PRKCE: variants seen among roughly 807,000 people sequenced by gnomAD.
PRKCE encodes protein kinase C epsilon.
PRKCE carries 16 observed loss-of-function variants against 85.4 expected under a neutral mutation model. The observed-to-expected ratio is 0.19, with a 90% CI of 0.13 to 0.28. The LOEUF (loss-of-function observed/expected upper bound fraction) is 0.28, where lower values mean the gene tolerates loss of function less well. Ranked by LOEUF, PRKCE falls within the 10% of genes least tolerant of loss-of-function variation. The pLI is 1.00. For synonymous variants in PRKCE, 388 were observed against 371.5 expected (o/e 1.04, Z -0.51); for missense variants, 573 against 975.2 (o/e 0.59, Z 5.49).
In PRKCE at chr2:46,093,182, C is replaced by G. The variant is rs554215584; in HGVS notation, c.1592+6820C>G. ...GGCCGAGTCTCTAATGGAAGGAAAT[C>G]AGCTACCATGGCAGAAATGATGAGT... On this transcript the variant is annotated intron_variant, in intron 11 of 14. Coordinates refer to ENST00000306156, the MANE Select transcript of PRKCE (RefSeq NM_005400.3). 2.5e-4 allele frequency among the ~76,000 whole-genome samples: 38 copies of G among 152,280 alleles called. No homozygotes were observed. In the South Asian group the frequency reaches 7.9e-3, roughly 32 times the overall value.
chr2:45,972,132 C>CT (rs891677462), intron 2 of PRKCE, among the ~76,000 whole-genome samples: 18 of 151,848 alleles, frequency 1.2e-4, no homozygotes, highest in South Asian at 2.1e-4. Flanking sequence ...ACTTATCATT[C>CT]TTTTTTTTTA....
intron 2 of PRKCE, among the ~76,000 whole-genome samples, chr2:45,860,200 T>G (rs1159515315): frequency 6.6e-6 from 1 of 152,210 alleles, no homozygotes; most frequent in Non-Finnish European, 1.5e-5. Context: ...ACCTGCTCAG[T>G]AAGTATTTGT....
chr2:46,145,156 G>T lies in PRKCE; in HGVS notation c.1656G>T (p.Gly552=). 1 of 1,599,764 alleles carries T rather than the reference G, an allele frequency of 6.3e-7. No individual in the cohort carries two copies. The highest frequency in any genetic ancestry group is 8.5e-7 in the Non-Finnish European group (1 of 1,179,954). Residue 552 remains glycine (G), a synonymous_variant, in exon 12 of 15, where the codon GGG becomes GGT. Coordinates refer to ENST00000306156, the MANE Select transcript of PRKCE (RefSeq NM_005400.3). This position sits in a 1 kb window ranked among gnomAD's most constrained non-coding sequence, Gnocchi z 4.6. ...AEGHCKLADF[G]MCKEGILNGV... ...GTCACTGCAAGCTGGCTGACTTCGG[G>T]ATGTGCAAGGAAGGGATTCTGAATG...
intron 1 of PRKCE, among the ~76,000 whole-genome samples, chr2:45,753,091 G>C (rs1039244182): frequency 2.6e-5 from 4 of 152,128 alleles, no homozygotes; most frequent in Admixed American, 2.6e-4. Flanking sequence ...TATCTGAGTA[G>C]GGTGTATGCA....
intron 10 of PRKCE, among the ~76,000 whole-genome samples, chr2:46,043,907 A>T (rs1708364403): frequency 6.6e-6 from 1 of 152,348 alleles, no homozygotes; most frequent in Non-Finnish European, 1.5e-5. Flanking sequence ...CTCAAAGCGG[A>T]TGCCGAATTC....
At chr2:46,083,329 G>C (rs1293958413) in intron 10 of PRKCE, among the ~76,000 whole-genome samples, 1 of 152,170 alleles carries the variant, frequency 6.6e-6, no homozygotes, top group Non-Finnish European at 1.5e-5. Context: ...GCCAGTGAGT[G>C]ATAAAACCGA....
At chr2:46,164,264 G>A (rs1348244793) in intron 14 of PRKCE, among the ~76,000 whole-genome samples, 2 of 152,170 alleles carry the variant, frequency 1.3e-5, no homozygotes, top group Non-Finnish European at 2.9e-5. Context: ...GCAAGACACC[G>A]TGAGAAGGGA....
intron 2 of PRKCE, among the ~76,000 whole-genome samples, chr2:45,932,989 A>G (rs1461018746): frequency 1.3e-5 from 2 of 152,226 alleles, no homozygotes; most frequent in Admixed American, 6.5e-5. Flanking sequence ...ATTCCATTAT[A>G]TCTATAATAT....
chr2:45,940,829 C>T (rs887612446), intron 2 of PRKCE, among the ~76,000 whole-genome samples: 10 of 152,006 alleles, frequency 6.6e-5, no homozygotes, highest in Non-Finnish European at 1.3e-4. Context: ...GAAGCCAAAG[C>T]AGGCAGATCA....
chr2:45,701,942 G>C (rs928935), intron 1 of PRKCE, among the ~76,000 whole-genome samples: 75,445 of 151,940 alleles, frequency 0.5, 20,028 homozygotes, highest in African/African-American at 0.69. Flanking sequence ...CCTGTAATCT[G>C]AGAATTTTGG....
Position 46,007,097 on chromosome 2 carries a change from G to C in PRKCE, c.1064-365G>C, listed in dbSNP as rs528193849. On this transcript the variant is annotated intron_variant, in intron 8 of 14. Transcript: ENST00000306156. ...TTCAGAGGAAACTTGAAGGATACCT[G>C]TGACTCTGCAGAATTCCAGAGAGGG... Among the ~76,000 whole-genome samples the C allele has an allele frequency of 3.9e-5, 6 of 152,304 alleles. No homozygotes were observed. In the South Asian group the frequency reaches 1.0e-3, roughly 26 times the overall value.
chr2:45,972,813 A>C (rs1702195613), intron 2 of PRKCE, among the ~76,000 whole-genome samples: 1 of 152,224 alleles, frequency 6.6e-6, no homozygotes, highest in Non-Finnish European at 1.5e-5. Flanking sequence ...ATGCCCATAA[A>C]AGAATTAATG....
intron 1 of PRKCE, among the ~76,000 whole-genome samples, chr2:45,713,244 C>T (rs986794089): frequency 1.3e-5 from 2 of 152,186 alleles, no homozygotes; most frequent in Non-Finnish European, 2.9e-5. Context: ...TGTTTTTGCT[C>T]ATCTTGCCCT....
rs549552166 is a variant in PRKCE, at chr2:45,981,739, A to G, written c.693+1358A>G. Among the ~76,000 whole-genome samples, 10 of 152,344 alleles carry G rather than the reference A, an allele frequency of 6.6e-5. 1 individual carries two copies. The South Asian group carries it at 1.9e-3, about 28-fold the overall frequency. ...CTTATTTCCTTCCTATGGACATTCC[A>G]TTGAACATTTACTGGGTATGTCCTG... On this transcript the variant is annotated intron_variant, in intron 5 of 14. Coordinates refer to ENST00000306156, the MANE Select transcript of PRKCE (RefSeq NM_005400.3).
At chr2:45,792,140 G>A (rs1045054078) in intron 1 of PRKCE, among the ~76,000 whole-genome samples, 2 of 152,122 alleles carry the variant, frequency 1.3e-5, no homozygotes, top group Non-Finnish European at 2.9e-5. Context: ...GAGGGCTTTC[G>A]TGCTGTGTCA....
chr2:46,118,318 A>G (rs1226341634), intron 11 of PRKCE, among the ~76,000 whole-genome samples: 1 of 152,212 alleles, frequency 6.6e-6, no homozygotes, highest in Non-Finnish European at 1.5e-5. Context: ...GACACGGTGG[A>G]GAAAGAAACT....
At chr2:46,046,506 G>A (rs1233641417) in intron 10 of PRKCE, among the ~76,000 whole-genome samples, 1 of 152,228 alleles carries the variant, frequency 6.6e-6, no homozygotes, top group Non-Finnish European at 1.5e-5. Context: ...GCTTCTGCAT[G>A]TTCAAGTTTG....
chr2:45,690,048 A>G (rs760395673), intron 1 of PRKCE, among the ~76,000 whole-genome samples: 12 of 152,196 alleles, frequency 7.9e-5, no homozygotes, highest in Non-Finnish European at 1.5e-4. Context: ...AAACAGGAAA[A>G]TCATGCACAC....
chr2:45,901,296 T>C (rs998596997), intron 2 of PRKCE, among the ~76,000 whole-genome samples: 1 of 152,166 alleles, frequency 6.6e-6, no homozygotes, highest in Non-Finnish European at 1.5e-5. Context: ...AGCAAGGCAT[T>C]AGTGTTTCAG....
Sources: allele counts gnomAD v4.1 joint callset (sites outside exome capture counted in the v4.1 genomes callset), GRCh38; gene constraint gnomAD v4.1.1; non-coding constraint Gnocchi (gnomAD v3.1); transcripts MANE v1.5; gene names NCBI Gene and HGNC (gene_info 2026-07-23, HGNC 2026-07-21).